TMOD1: variants seen among roughly 807,000 people sequenced by gnomAD.
TMOD1 encodes the protein tropomodulin 1, also known as tropomodulin-1.
TMOD1 carries 17 observed loss-of-function variants against 40.6 expected under a neutral mutation model. The ratio of observed to expected loss-of-function variants is 0.42; its 90% CI spans 0.29 to 0.63. The LOEUF (loss-of-function observed/expected upper bound fraction) is 0.63. Among genes scored for constraint, TMOD1 ranks in the 20% least tolerant of loss-of-function variants. TMOD1 has a pLI of 0.22. For missense variants in TMOD1, 391 were observed against 447.6 expected, an observed-to-expected ratio of 0.87 and a Z score of 1.14; for synonymous variants, 181 against 175.0, an observed-to-expected ratio of 1.03 and a Z score of -0.27.
intron 1 of TMOD1, among the ~76,000 whole-genome samples, chr9:97,504,172 A>G (rs1829551426): frequency 6.6e-6 from 1 of 152,192 alleles, no homozygotes; most frequent in South Asian, 2.1e-4. Flanking sequence ...AGACAACAAT[A>G]GCCCCATTTC....
At chr9:97,590,211 T>G (rs773610465) in intron 8 of TMOD1, among the ~76,000 whole-genome samples, 11 of 152,070 alleles carry the variant, frequency 7.2e-5, no homozygotes, top group Non-Finnish European at 1.5e-4. Flanking sequence ...AATTCTTTTT[T>G]TTTCAATTTT....
At chr9:97,546,475 A>G in intron 3 of TMOD1, 134 bp downstream of exon 3, 1 of 884,338 alleles carries the variant, frequency 1.1e-6, no homozygotes, top group Non-Finnish European at 1.7e-6. Flanking sequence ...CTGCCTGGCC[A>G]AAACACCCAA....
At position 97,565,836 on chromosome 9, in the gene TMOD1, T is replaced by C. The variant is rs1220795863; in HGVS notation, c.619-12T>C. The C allele has an allele frequency of 1.2e-6, 2 of 1,610,350 alleles. No homozygotes were observed. Among genetic ancestry groups the C allele is most frequent in the Non-Finnish European group, 1.7e-6 (2 of 1,176,706 alleles). ...CTTCTGGTCACTCTCTCTGTTGCCT[T>C]TCTTTGTGCAGAATATCCCCATCCC... On this transcript the variant is annotated splice_polypyrimidine_tract_variant and intron_variant, in intron 6 of 9. Transcript: ENST00000259365.
chr9:97,599,923 A>T lies in TMOD1; in HGVS notation c.*225A>T. On this transcript the variant is annotated 3_prime_UTR_variant, in exon 10 of 10. Coordinates refer to ENST00000259365, the MANE Select transcript of TMOD1 (RefSeq NM_003275.4). ...GTCACAGAAGTTGAATCTGGTTATT[A>T]TTTAAAAACTAGAAGCCCCCAAACC... The T allele has an allele frequency of 7.6e-7, 1 of 1,309,054 alleles. No individual in the cohort carries two copies. Among genetic ancestry groups the T allele is most frequent in the Non-Finnish European group, 9.8e-7 (1 of 1,022,420 alleles). 81.1% of individuals were successfully genotyped at this position (1,309,054 alleles called of 1,614,324 possible). A position where few individuals can be genotyped will look rare whatever the true frequency, so the allele number is the denominator to read the frequency against.
At chr9:97,538,709 T>G (rs1275131290) in intron 2 of TMOD1, among the ~76,000 whole-genome samples, 5 of 152,082 alleles carry the variant, frequency 3.3e-5, no homozygotes, top group African/African-American at 1.2e-4. Flanking sequence ...TTAAGATTTT[T>G]CTCTAGGCCA....
intron 1 of TMOD1, among the ~76,000 whole-genome samples, chr9:97,522,924 C>T (rs1286851199): frequency 1.3e-5 from 2 of 152,148 alleles, no homozygotes; most frequent in Non-Finnish European, 2.9e-5. Flanking sequence ...CACAGTACTA[C>T]ATTTAGCCAA....
At chr9:97,544,433 G>A (rs1830327275) in intron 2 of TMOD1, among the ~76,000 whole-genome samples, 1 of 151,966 alleles carries the variant, frequency 6.6e-6, no homozygotes, top group African/African-American at 2.4e-5. Flanking sequence ...CTACTCGGGA[G>A]GCTGAGGCAG....
At chr9:97,518,717 G>A (rs559364518) in intron 1 of TMOD1, among the ~76,000 whole-genome samples, 10 of 152,320 alleles carry the variant, frequency 6.6e-5, no homozygotes, top group African/African-American at 1.2e-4. Flanking sequence ...GGGGAGTAGC[G>A]GGGAGACAGC....
At chr9:97,503,151 G>C (rs1000319340) in intron 1 of TMOD1, among the ~76,000 whole-genome samples, 1 of 152,102 alleles carries the variant, frequency 6.6e-6, no homozygotes, top group Non-Finnish European at 1.5e-5. Flanking sequence ...TTTGTCCTCT[G>C]TGCAGGGCCG....
chr9:97,551,015 T>TATATA (rs1491279262), intron 3 of TMOD1, among the ~76,000 whole-genome samples: 27 of 5,118 alleles, frequency 5.3e-3, no homozygotes, highest in Non-Finnish European at 0.011. Context: ...TATATATATA[T>TATATA]TTTTTTTTTT....
chr9:97,588,948 C>A (rs905462792), intron 8 of TMOD1, among the ~76,000 whole-genome samples: 6 of 151,954 alleles, frequency 3.9e-5, no homozygotes, highest in African/African-American at 1.2e-4. Flanking sequence ...AAAACCCTGT[C>A]TCTACTAAAA....
chr9:97,520,019 T>C (rs1314422370), intron 1 of TMOD1, among the ~76,000 whole-genome samples: 1 of 152,116 alleles, frequency 6.6e-6, no homozygotes, highest in Non-Finnish European at 1.5e-5. Flanking sequence ...TTCCACTTTT[T>C]ATTTGAGCCA....
At chr9:97,599,175 AGGGTAATCTTTC>A (rs1439695081) in intron 9 of TMOD1, among the ~76,000 whole-genome samples, 1 of 149,674 alleles carries the variant, frequency 6.7e-6, no homozygotes, top group Non-Finnish European at 1.5e-5. Flanking sequence ...CAGATACTGC[AGGGTAATCTTTC>A]GGGTGGAAAC....
chr9:97,558,352 A>G (rs1830564730), intron 4 of TMOD1, among the ~76,000 whole-genome samples: 1 of 152,118 alleles, frequency 6.6e-6, no homozygotes, highest in Non-Finnish European at 1.5e-5. Flanking sequence ...TCTTTGCTGT[A>G]TGGTTTTGGC....
intron 8 of TMOD1, among the ~76,000 whole-genome samples, chr9:97,583,469 T>G (rs1365215443): frequency 6.6e-5 from 10 of 151,744 alleles, no homozygotes; most frequent in African/African-American, 1.7e-4. Context: ...TCTCTTTTTT[T>G]GTTGTGTCTC....
At position 97,559,817 on chromosome 9, in the gene TMOD1, ATATATATGTCTATCTATC is replaced by A. The variant is rs1830606169; in HGVS notation, c.398-2911_398-2894del. 9.2e-5 allele frequency among the ~76,000 whole-genome samples: 4 copies of A among 43,288 alleles called. 1 individual carries two copies. The South Asian group carries it at 3.4e-3, about 36-fold the overall frequency. The allele number at this position is 43,288 out of a possible 152,430, so 28.4% of individuals were successfully genotyped here. On this transcript the variant is annotated intron_variant, in intron 4 of 9. Transcript: ENST00000259365. ...AAAATATATATATATATATATATAT[ATATATATGTCTATCTATC>A]TATCTATCTATCTATCTCCAGAGAT...
At position 97,601,359 on chromosome 9, in the gene TMOD1, A is replaced by T. The variant is rs1165442140; in HGVS notation, c.*1661A>T. 8.9e-6 allele frequency: 10 copies of T among 1,117,620 alleles called. No homozygotes were observed. Among genetic ancestry groups the T allele is most frequent in the Non-Finnish European group, 1.1e-5 (10 of 903,028 alleles). The allele number at this position is 1,117,620 out of a possible 1,614,324, so 69.2% of individuals were successfully genotyped here. On this transcript the variant is annotated 3_prime_UTR_variant, in exon 10 of 10. Coordinates refer to ENST00000259365, the MANE Select transcript of TMOD1 (RefSeq NM_003275.4). ...ATGGCAGTGCTGGATGACCTCAGTAAGAATGTGTCATGTATTCCAGGTGCT... is the reference window on the plus strand; with the variant it reads ...ATGGCAGTGCTGGATGACCTCAGTATGAATGTGTCATGTATTCCAGGTGCT...
intron 1 of TMOD1, among the ~76,000 whole-genome samples, chr9:97,520,493 A>G (rs1283723201): frequency 1.1e-4 from 16 of 152,080 alleles, no homozygotes. Flanking sequence ...ACCACAGGAG[A>G]ATACTGCTTC....
chr9:97,543,164 T>A (rs1237203753), intron 2 of TMOD1, among the ~76,000 whole-genome samples: 1 of 152,264 alleles, frequency 6.6e-6, no homozygotes, highest in African/African-American at 2.4e-5. Context: ...ATCGCAATAC[T>A]TAGCCTTTCT....
Sources: gnomAD v4.1 joint callset for allele counts (sites outside exome capture counted in the v4.1 genomes callset) on GRCh38, gnomAD v4.1.1 for gene constraint, MANE v1.5 for transcripts, NCBI Gene and HGNC (gene_info 2026-07-23, HGNC 2026-07-21) for gene names.